MAGI3: variants seen among roughly 807,000 people sequenced by gnomAD.
MAGI3 encodes membrane associated guanylate kinase, WW and PDZ domain containing 3.
Under a neutral mutation model 121.8 loss-of-function variants are expected in MAGI3, and 43 were observed. The observed-to-expected ratio is 0.35, with a 90% CI of 0.28 to 0.46. The LOEUF (loss-of-function observed/expected upper bound fraction) is 0.46, where lower values mean the gene tolerates loss of function less well. Among genes scored for constraint, MAGI3 ranks in the 20% least tolerant of loss-of-function variants. The pLI is 1.00. For missense variants in MAGI3, 1,547 were observed against 1,797.3 expected, an observed-to-expected ratio of 0.86 and a Z score of 2.52; for synonymous variants, 553 against 639.3, an observed-to-expected ratio of 0.86 and a Z score of 2.04.
chr1:113,522,168 C>T (rs2884705), intron 1 of MAGI3, among the ~76,000 whole-genome samples: 23,012 of 152,224 alleles, frequency 0.15, 2,775 homozygotes, highest in East Asian at 0.63. Flanking sequence ...TGCAGTGGCA[C>T]GATCTCTATT....
chr1:113,659,208 G>A lies in MAGI3; in HGVS notation c.2758G>A (p.Val920Ile). The A allele has an allele frequency of 6.2e-7, 1 of 1,613,996 alleles. No individual in the cohort carries two copies. Residue 920 changes from valine (V) to isoleucine (I), a missense_variant, in exon 16 of 21, where the codon GTT becomes ATT. Val to Ile is a conservative substitution (Grantham distance 29). Coordinates refer to ENST00000307546, the MANE Select transcript of MAGI3 (RefSeq NM_001142782.2). Reference protein sequence around the residue: ...SIVELSHDNIVQLIKDAGVTV... With the variant: ...SIVELSHDNIIQLIKDAGVTV... ...TGTTGAACTGTCTCATGATAACATT[G>A]TTCAGCTGATCAAAGATGCTGGTGT...
chr1:113,454,678 A>G (rs1029122227), intron 1 of MAGI3, among the ~76,000 whole-genome samples: 1 of 151,940 alleles, frequency 6.6e-6, no homozygotes, highest in East Asian at 1.9e-4. Context: ...CCGGTGTATG[A>G]TGTTCCCCTC....
intron 12 of MAGI3, among the ~76,000 whole-genome samples, chr1:113,648,971 T>G (rs1367849805): frequency 6.6e-6 from 1 of 152,110 alleles, no homozygotes; most frequent in East Asian, 1.9e-4. Flanking sequence ...GCATTAGAAG[T>G]TAATGGCAGT....
At chr1:113,669,820 G>A (rs753583273) in intron 16 of MAGI3, among the ~76,000 whole-genome samples, 41 of 152,040 alleles carry the variant, frequency 2.7e-4, no homozygotes, top group African/African-American at 9.2e-4. Context: ...ATGAGCCACC[G>A]CGCCCAGCCC....
At chr1:113,536,423 C>T (rs904233637) in intron 1 of MAGI3, among the ~76,000 whole-genome samples, 19 of 152,086 alleles carry the variant, frequency 1.2e-4, no homozygotes, top group African/African-American at 4.6e-4. Flanking sequence ...AATGCTGTCT[C>T]AGTTCCAAGT....
At chr1:113,577,080 A>G (rs959079937) in intron 2 of MAGI3, among the ~76,000 whole-genome samples, 3 of 152,166 alleles carry the variant, frequency 2.0e-5, no homozygotes, top group Non-Finnish European at 4.4e-5. Flanking sequence ...AAGGAAAGGA[A>G]ATCATCACAG....
Position 113,672,734 on chromosome 1 carries a change from A to G in MAGI3, c.3038A>G (p.His1013Arg). ...GTAATTTCAGTTGTAGGCAGTCGGC[A>G]CAATCAGGTAAACAAACATTTCCCC... The part of the protein sequence containing the change: ...TAVISVVGSR[H>R]NQNLGCYPVE... The change falls in exon 18 of 21, where the codon CAC becomes CGC. Residue 1013 changes from histidine (H) to arginine (R), a missense_variant. Transcript: ENST00000307546. The G allele has an allele frequency of 6.2e-7, 1 of 1,610,374 alleles. No homozygotes were observed. The highest frequency in any genetic ancestry group is 8.5e-7 in the Non-Finnish European group (1 of 1,178,718).
intron 1 of MAGI3, among the ~76,000 whole-genome samples, chr1:113,406,841 G>C (rs1651709213): frequency 6.6e-6 from 1 of 152,190 alleles, no homozygotes; most frequent in Non-Finnish European, 1.5e-5. Context: ...CACTTTTAAT[G>C]TGAAGTTTAT....
chr1:113,506,281 C>A (rs1657320593), intron 1 of MAGI3, among the ~76,000 whole-genome samples: 1 of 151,996 alleles, frequency 6.6e-6, no homozygotes, highest in Admixed American at 6.6e-5. Flanking sequence ...CTTTAGTGCC[C>A]CCAGCATTAA....
In MAGI3 at chr1:113,473,235, A is replaced by AT. The variant is rs112531569; in HGVS notation, c.317-76271dup. 6.4e-3 allele frequency among the ~76,000 whole-genome samples: 966 copies of AT among 150,372 alleles called. 9 individuals carry two copies. Among genetic ancestry groups the AT allele is most frequent in the African/African-American group, 0.016 (674 of 41,046 alleles). ...TAGGTATAGTATTCTTGGTTGACAC[A>AT]TTTTTTTTTCTTCCAGTACTTTATT... is the stretch of plus-strand genomic sequence containing the variant. On this transcript the variant is annotated intron_variant, in intron 1 of 20. Transcript: ENST00000307546.
intron 9 of MAGI3, among the ~76,000 whole-genome samples, chr1:113,641,028 TATGATATATATAATATATATG>T: frequency 6.4e-5 from 2 of 31,244 alleles, no homozygotes; most frequent in Non-Finnish European, 1.6e-4. Context: ...ATATAATATA[TATGATATATATAATATATATG>T]ATATATTATA....
At chr1:113,632,899 GT>G (rs71090715) in intron 9 of MAGI3, among the ~76,000 whole-genome samples, 34,321 of 149,150 alleles carry the variant, frequency 0.23, 4,847 homozygotes, top group South Asian at 0.39. Flanking sequence ...TAGTTTTTTA[GT>G]TTTTTTTTTA....
intron 1 of MAGI3, among the ~76,000 whole-genome samples, chr1:113,526,537 C>T (rs1358928680): frequency 6.6e-6 from 1 of 152,138 alleles, no homozygotes; most frequent in Non-Finnish European, 1.5e-5. Flanking sequence ...GAAGGAACTA[C>T]AGGGTGGCAG....
chr1:113,415,083 A>G (rs1557743009), intron 1 of MAGI3, among the ~76,000 whole-genome samples: 1 of 152,246 alleles, frequency 6.6e-6, no homozygotes, highest in East Asian at 1.9e-4. Flanking sequence ...AAATCTTTGC[A>G]TTTATAGAAA....
chr1:113,437,188 A>G (rs914110138), intron 1 of MAGI3, among the ~76,000 whole-genome samples: 1 of 151,692 alleles, frequency 6.6e-6, no homozygotes, highest in East Asian at 1.9e-4. Context: ...GTTTTTACAT[A>G]CTTTTATTTA....
chr1:113,481,621 G>T (rs1192889384), intron 1 of MAGI3, among the ~76,000 whole-genome samples: 1 of 151,810 alleles, frequency 6.6e-6, no homozygotes, highest in Non-Finnish European at 1.5e-5. Context: ...ATTACTATTG[G>T]CAAATTTCTA....
At chr1:113,450,224 T>C (rs1034658520) in intron 1 of MAGI3, 7 of 1,593,630 alleles carry the variant, frequency 4.4e-6, no homozygotes, top group Non-Finnish European at 5.1e-6. Context: ...AATTGTGAAG[T>C]GAAAAAGGCC....
intron 1 of MAGI3, chr1:113,450,142 T>G: frequency 6.7e-7 from 1 of 1,483,594 alleles, no homozygotes; most frequent in African/African-American, 1.4e-5. Context: ...AGGATTTGCT[T>G]TTGTAACTTT....
intron 9 of MAGI3, among the ~76,000 whole-genome samples, chr1:113,640,763 A>G (rs1652407538): frequency 6.6e-6 from 1 of 151,540 alleles, no homozygotes; most frequent in African/African-American, 2.4e-5. Context: ...ATTAGGACAA[A>G]TAACTAATGC....
Sources: allele counts gnomAD v4.1 joint callset (sites outside exome capture counted in the v4.1 genomes callset), GRCh38; gene constraint gnomAD v4.1.1; transcripts MANE v1.5; gene names NCBI Gene and HGNC (gene_info 2026-07-23, HGNC 2026-07-21).